Variants in MIP observed in about 807,000 individuals in gnomAD.
MIP encodes the protein lens fiber major intrinsic protein.
Under a neutral mutation model 21.8 loss-of-function variants are expected in MIP, and 14 were observed. The ratio of observed to expected loss-of-function variants is 0.64; its 90% CI spans 0.42 to 1.00. The LOEUF is 1.00. Ranked by LOEUF, MIP falls within the 50% of genes least tolerant of loss-of-function variation. The probability of loss-of-function intolerance (pLI) is 0.00; values close to 1 mark genes in which losing one functional copy is unlikely to be tolerated. For synonymous variants in MIP, 133 were observed against 141.4 expected (o/e 0.94, Z 0.42); for missense variants, 260 against 333.5 (o/e 0.78, Z 1.72).
At chr12:56,456,467 T>A (rs991826290), upstream of MIP, among the ~76,000 whole-genome samples, 2 of 151,814 alleles carry the variant, frequency 1.3e-5, no homozygotes, top group Non-Finnish European at 2.9e-5. Flanking sequence ...TGAAACCCCG[T>A]CTCTACTAAA....
intron 1 of MIP, among the ~76,000 whole-genome samples, 153 bp from the exon 2 acceptor site, chr12:56,453,908 C>G (rs1254681453): frequency 6.6e-6 from 1 of 152,206 alleles, no homozygotes; most frequent in Non-Finnish European, 1.5e-5. Context: ...TTGCATCTTA[C>G]CATCTCCTAA....
rs1251027989 is a variant in MIP, at chr12:56,451,145, AAAC to A, written c.*132_*134del. 7 of 725,262 alleles carry A rather than the reference AAAC, an allele frequency of 9.7e-6. No individual in the cohort carries two copies. The highest frequency in any genetic ancestry group is 1.8e-5 in the South Asian group (1 of 55,576). The allele number at this position is 725,262 out of a possible 1,614,324, so 44.9% of individuals were successfully genotyped here. A position where few individuals can be genotyped will look rare whatever the true frequency, so the allele number is the denominator to read the frequency against. On this transcript the variant is annotated 3_prime_UTR_variant, in exon 4 of 4. Coordinates refer to ENST00000652304, the MANE Select transcript of MIP (RefSeq NM_012064.4). ...CACAGCAAAAGGAAAAAAAAAAAAA[AAAC>A]AACCACATACATAAGTTAAAAAATA...
At position 56,451,203 on chromosome 12, in the gene MIP, T is replaced by A. The variant is rs1379662323; in HGVS notation, c.*77A>T. 2 of 1,322,714 alleles carry A rather than the reference T, an allele frequency of 1.5e-6. No individual in the cohort carries two copies. Among genetic ancestry groups the A allele is most frequent in the Non-Finnish European group, 2.2e-6 (2 of 920,144 alleles). The allele number at this position is 1,322,714 out of a possible 1,614,324, so 81.9% of individuals were successfully genotyped here. A position where few individuals can be genotyped will look rare whatever the true frequency, so the allele number is the denominator to read the frequency against. Reference sequence around the variant, plus strand: ...AGTACATGACCCTCCCCACAGTCTCTTTCTTCATCTAGGGGCTGGCTAAAC... The same window carrying A: ...AGTACATGACCCTCCCCACAGTCTCATTCTTCATCTAGGGGCTGGCTAAAC... On this transcript the variant is annotated 3_prime_UTR_variant, in exon 4 of 4. Coordinates refer to ENST00000652304, the MANE Select transcript of MIP (RefSeq NM_012064.4).
intron 3 of MIP, among the ~76,000 whole-genome samples, chr12:56,451,876 T>C (rs965517030): frequency 2.0e-5 from 3 of 152,108 alleles, no homozygotes; most frequent in South Asian, 2.1e-4. Flanking sequence ...ACCCCATCTC[T>C]ACTAAAAATA....
At chr12:56,455,058 C>G (rs1254750842), upstream of MIP, among the ~76,000 whole-genome samples, 1 of 152,142 alleles carries the variant, frequency 6.6e-6, no homozygotes, top group African/African-American at 2.4e-5. Context: ...CTGGGGGCCT[C>G]AGCCTCCTCT....
chr12:56,452,799 C>T, intron 3 of MIP: 1 of 498,134 alleles, frequency 2.0e-6, no homozygotes, highest in Non-Finnish European at 3.7e-6. Context: ...ATTTAGTTGT[C>T]TCTCTTCATA....
At chr12:56,454,170 C>T in intron 1 of MIP, 84 bp downstream of exon 1, 1 of 1,576,986 alleles carries the variant, frequency 6.3e-7, no homozygotes, top group Non-Finnish European at 8.7e-7. Flanking sequence ...CCCAGGGGAG[C>T]TGATTCACCT....
intron 3 of MIP, among the ~76,000 whole-genome samples, chr12:56,452,338 T>C (rs1868646936): frequency 6.6e-6 from 1 of 152,216 alleles, no homozygotes; most frequent in Non-Finnish European, 1.5e-5. Flanking sequence ...GATTCATCCA[T>C]GTTGTGGTAT....
Position 56,450,699 on chromosome 12 carries a change from C to T in MIP, c.*581G>A, listed in dbSNP as rs932363313. The T allele has an allele frequency of 5.8e-5, 9 of 153,952 alleles. No individual in the cohort carries two copies. The highest frequency in any genetic ancestry group is 4.5e-4 in the Admixed American group (7 of 15,570). 9.5% of individuals were successfully genotyped at this position (153,952 alleles called of 1,614,324 possible). A position where few individuals can be genotyped will look rare whatever the true frequency, so the allele number is the denominator to read the frequency against. On this transcript the variant is annotated 3_prime_UTR_variant, in exon 4 of 4. Coordinates refer to ENST00000652304, the MANE Select transcript of MIP (RefSeq NM_012064.4). ...TATTCCCATTAACTTCCCCCCAATTCTTCGGTACACCTACATCCTGATCTG... is the reference window on the plus strand; with the variant it reads ...TATTCCCATTAACTTCCCCCCAATTTTTCGGTACACCTACATCCTGATCTG...
intron 3 of MIP, 118 bp from the exon 4 acceptor site, chr12:56,451,583 C>G (rs549027654): frequency 5.1e-6 from 4 of 778,726 alleles, no homozygotes; most frequent in East Asian, 2.5e-5. Flanking sequence ...CTACAATAAA[C>G]TCACCATTTA....
At chr12:56,454,775 T>A (rs1007614962), upstream of MIP, 2 of 756,428 alleles carry the variant, frequency 2.6e-6, no homozygotes, top group Non-Finnish European at 4.2e-6. Context: ...CTAAGTCCCC[T>A]CCCCTACATG....
Position 56,450,983 on chromosome 12 carries a change from G to T in MIP, c.*297C>A. The T allele has an allele frequency of 1.2e-5, 5 of 416,956 alleles. No individual in the cohort carries two copies. Among genetic ancestry groups the T allele is most frequent in the African/African-American group, 2.0e-5 (1 of 49,160 alleles). 25.8% of individuals were successfully genotyped at this position (416,956 alleles called of 1,614,324 possible). On this transcript the variant is annotated 3_prime_UTR_variant, in exon 4 of 4. Coordinates refer to ENST00000652304, the MANE Select transcript of MIP (RefSeq NM_012064.4). ...GATGGCACCTCTTTTTGCTTCCTTA[G>T]CTCTCATGCCCCAAAACTCAGACAC...
Position 56,450,269 on chromosome 12 carries a change from T to C in MIP, c.*1011A>G, listed in dbSNP as rs1868547892. The C allele has an allele frequency of 1.3e-5, 2 of 152,148 alleles. No homozygotes were observed. Among genetic ancestry groups the C allele is most frequent in the Admixed American group, 1.3e-4 (2 of 15,278 alleles). 9.4% of individuals were successfully genotyped at this position (152,148 alleles called of 1,614,324 possible). On this transcript the variant is annotated 3_prime_UTR_variant, in exon 4 of 4. Transcript: ENST00000652304. ...CCATTTGAGGAGTGTTTTGATTTGC[T>C]CTAAATAAATTAGAACAGAGTCAAA...
chr12:56,453,550 C>G, intron 2 of MIP, 41 bp downstream of exon 2: 1 of 1,613,796 alleles, frequency 6.2e-7, no homozygotes, highest in African/African-American at 1.3e-5. Context: ...TTTAGGGGCC[C>G]CGGAATCCTT....
chr12:56,452,921 A>G, intron 3 of MIP, 151 bp downstream of exon 3: 1 of 711,670 alleles, frequency 1.4e-6, no homozygotes, highest in Non-Finnish European at 2.6e-6. Context: ...TCCTGCTCAC[A>G]CAGGCATGCC....
chr12:56,455,959 A>G (rs1274063883), upstream of MIP, among the ~76,000 whole-genome samples: 3 of 152,180 alleles, frequency 2.0e-5, no homozygotes, highest in Non-Finnish European at 2.9e-5. Context: ...GGATGGACAG[A>G]AAGAGAGTTA....
Position 56,453,784 on chromosome 12 carries a change from C to A in MIP, c.361-29G>T, listed in dbSNP as rs780512164. 6 of 1,602,866 alleles carry A rather than the reference C, an allele frequency of 3.7e-6. No homozygotes were observed. The East Asian group carries it at 1.4e-4, about 36-fold the overall frequency. On this transcript the variant is annotated intron_variant, in intron 1 of 3. Coordinates refer to ENST00000652304, the MANE Select transcript of MIP (RefSeq NM_012064.4). ...TGCAAAGGAAGAAGAAGAGAGACAG[C>A]TCAGGAGGGCTGCCACAGTGTTACC...
Position 56,454,378 on chromosome 12 carries a change from G to A in MIP, c.236C>T (p.Ser79Phe). 6.2e-7 allele frequency: 1 copy of A among 1,614,092 alleles called. No individual in the cohort carries two copies. The highest frequency in any genetic ancestry group is 8.5e-7 in the Non-Finnish European group (1 of 1,180,038). ...GAAGGCACGGAGCAGGGACATCTGGGAGCCCACAAGGAAAGCAAAAGTGAC... is the reference window on the plus strand; with the variant it reads ...GAAGGCACGGAGCAGGGACATCTGGAAGCCCACAAGGAAAGCAAAAGTGAC... ...PAVTFAFLVG[S>F]QMSLLRAFCY... is the part of the protein sequence containing the mutation. The change falls in exon 1 of 4, where the codon TCC (serine) becomes TTC (phenylalanine). Residue 79 changes from serine to phenylalanine, a missense_variant. Transcript: ENST00000652304.
chr12:56,451,512 T>C lies in MIP; in HGVS notation c.607-47A>G, dbSNP rs2643622. The C allele has an allele frequency of 0.99, 1,553,421 of 1,569,040 alleles. 770,177 individuals are homozygous for C. The highest frequency in any genetic ancestry group is 1 in the Non-Finnish European group (1,139,441 of 1,139,790). On this transcript the variant is annotated intron_variant, in intron 3 of 3. Transcript: ENST00000652304. ...ACTCAGGCTTGGGGAGGGGACAGAG[T>C]AGCAACGCTGCTCTTTTTCCAGCCA...
Sources: allele counts gnomAD v4.1 joint callset (sites outside exome capture counted in the v4.1 genomes callset), GRCh38; gene constraint gnomAD v4.1.1; transcripts MANE v1.5; gene names NCBI Gene and HGNC (gene_info 2026-07-23, HGNC 2026-07-21).